Variants in PPARGC1A observed in about 807,000 individuals in gnomAD.
PPARGC1A encodes the protein peroxisome proliferator-activated receptor gamma coactivator 1-alpha.
PPARGC1A carries 25 observed loss-of-function variants against 88.7 expected under a neutral mutation model. The ratio of observed to expected loss-of-function variants is 0.28; its 90% CI spans 0.21 to 0.39. PPARGC1A has a LOEUF of 0.39. PPARGC1A is among the 10% of genes least tolerant of loss of function. The probability of loss-of-function intolerance (pLI) is 1.00; values close to 1 mark genes in which losing one functional copy is unlikely to be tolerated. For synonymous variants in PPARGC1A, 363 were observed against 355.6 expected (o/e 1.02, Z -0.24); for missense variants, 880 against 968.7 (o/e 0.91, Z 1.22).
At chr4:24,077,774 C>T in the PPARGC1A span, among the ~76,000 whole-genome samples, 2 of 151,538 alleles carry the variant, frequency 1.3e-5, no homozygotes, top group Non-Finnish European at 2.9e-5. Flanking sequence ...TTTAACAGTT[C>T]TCTTCCCTCC....
the PPARGC1A span, among the ~76,000 whole-genome samples, chr4:24,009,150 A>AAAAGAG: frequency 4.0e-4 from 32 of 79,770 alleles, no homozygotes; most frequent in East Asian, 1.3e-3. Context: ...AAAAAAAAAA[A>AAAAGAG]AGAGAGAGAA....
At chr4:24,387,802 AAGAAAGAAAGAAAGAAAGAAAGAG>A in the PPARGC1A span, among the ~76,000 whole-genome samples, 281 of 114,344 alleles carry the variant, frequency 2.5e-3, 4 homozygotes, top group African/African-American at 4.9e-3. Context: ...GAAAGAAAGA[AAGAAAGAAAGAAAGAAAGAAAGAG>A]AGAAAGAGAG....
the PPARGC1A span, among the ~76,000 whole-genome samples, chr4:24,315,299 A>G: frequency 6.6e-6 from 1 of 152,184 alleles, no homozygotes; most frequent in East Asian, 1.9e-4. Flanking sequence ...CATGAGCACA[A>G]AAGTAGGTGT....
chr4:24,282,863 A>G, the PPARGC1A span, among the ~76,000 whole-genome samples: 1 of 152,198 alleles, frequency 6.6e-6, no homozygotes, highest in Non-Finnish European at 1.5e-5. Flanking sequence ...TTTTTTAAAA[A>G]GTTTTAAAAA....
At chr4:24,412,149 C>G in the PPARGC1A span, among the ~76,000 whole-genome samples, 2 of 152,144 alleles carry the variant, frequency 1.3e-5, no homozygotes, top group Admixed American at 1.3e-4. Context: ...ATGAAAGTTC[C>G]TGTTGCTCTA....
intron 5 of PPARGC1A, among the ~76,000 whole-genome samples, chr4:23,827,317 C>T (rs1041808086): frequency 2.6e-5 from 4 of 151,566 alleles, no homozygotes; most frequent in African/African-American, 9.7e-5. Flanking sequence ...GGAAAAAAAG[C>T]GTATTGAATC....
chr4:24,150,061 TTAAGA>T, the PPARGC1A span, among the ~76,000 whole-genome samples: 2 of 152,140 alleles, frequency 1.3e-5, no homozygotes, highest in Non-Finnish European at 2.9e-5. Flanking sequence ...ATATCCTTAC[TTAAGA>T]TGAAAAACAA....
At chr4:24,277,376 G>C in the PPARGC1A span, among the ~76,000 whole-genome samples, 2 of 152,068 alleles carry the variant, frequency 1.3e-5, no homozygotes, top group East Asian at 3.9e-4. Flanking sequence ...CAAATATACA[G>C]TGGGCCCCCA....
chr4:23,814,942 G>A (rs1010777612), intron 7 of PPARGC1A, among the ~76,000 whole-genome samples: 1 of 152,102 alleles, frequency 6.6e-6, no homozygotes, highest in African/African-American at 2.4e-5. Context: ...ACCAAAGCTT[G>A]CATTTTCAAG....
intron 10 of PPARGC1A, among the ~76,000 whole-genome samples, chr4:23,804,406 C>A (rs994181536): frequency 2.0e-5 from 3 of 152,160 alleles, no homozygotes; most frequent in African/African-American, 7.2e-5. Flanking sequence ...TTGTCCTAAG[C>A]CAAGCCTCCA....
At chr4:24,077,566 AT>A in the PPARGC1A span, among the ~76,000 whole-genome samples, 1 of 146,644 alleles carries the variant, frequency 6.8e-6, no homozygotes. Flanking sequence ...CTTCCTGAAT[AT>A]TTTAGTAGAT....
At chr4:24,452,713 C>G in the PPARGC1A span, among the ~76,000 whole-genome samples, 1 of 152,194 alleles carries the variant, frequency 6.6e-6, no homozygotes, top group Non-Finnish European at 1.5e-5. Flanking sequence ...GTGCTGGAAA[C>G]ACAAGGATAA....
chr4:24,196,365 C>G, the PPARGC1A span, among the ~76,000 whole-genome samples: 1 of 152,242 alleles, frequency 6.6e-6, no homozygotes, highest in Non-Finnish European at 1.5e-5. Context: ...GAGCCTTGCT[C>G]TGTATCCAAA....
At chr4:24,181,571 A>G in the PPARGC1A span, among the ~76,000 whole-genome samples, 322 of 152,296 alleles carry the variant, frequency 2.1e-3, 1 homozygote, top group African/African-American at 7.3e-3. Context: ...CACAGACTCT[A>G]TCCAGATCCA....
chr4:23,953,214 G>GTAAAAGAAA, the PPARGC1A span, among the ~76,000 whole-genome samples: 2 of 152,122 alleles, frequency 1.3e-5, no homozygotes, highest in African/African-American at 4.8e-5. Context: ...CATTAAATGT[G>GTAAAAGAAA]TAAAAGAAAT....
the PPARGC1A span, among the ~76,000 whole-genome samples, chr4:24,181,582 CAT>C: frequency 1.3e-5 from 2 of 152,138 alleles, no homozygotes; most frequent in East Asian, 3.8e-4. Flanking sequence ...TCCAGATCCA[CAT>C]GTTTGCCAGT....
At chr4:23,858,760 C>T (rs1245980028) in intron 2 of PPARGC1A, among the ~76,000 whole-genome samples, 1 of 152,100 alleles carries the variant, frequency 6.6e-6, no homozygotes, top group Admixed American at 6.6e-5. Flanking sequence ...CTAGCAATTA[C>T]CTGGCAAACC....
chr4:23,890,025 A>C lies in PPARGC1A; in HGVS notation c.-68T>G. On this transcript the variant is annotated 5_prime_UTR_variant, in exon 1 of 13. An upstream start codon of the reference 5' UTR is lost. Transcript: ENST00000264867. ...CCACAGTGACACAGAGCACACACTC[A>C]TGCAGGCAACCAGCCCCTTACTGAG... The C allele has an allele frequency of 6.2e-7, 1 of 1,604,872 alleles. No individual in the cohort carries two copies.
chr4:24,395,015 G>T, the PPARGC1A span, among the ~76,000 whole-genome samples: 1 of 152,304 alleles, frequency 6.6e-6, no homozygotes, highest in Admixed American at 6.5e-5. Context: ...AGCCTCTTGA[G>T]ATAAGACAAC....
Sources: allele counts gnomAD v4.1 joint callset (sites outside exome capture counted in the v4.1 genomes callset), GRCh38; gene constraint gnomAD v4.1.1; transcripts MANE v1.5; gene names NCBI Gene and HGNC (gene_info 2026-07-23, HGNC 2026-07-21).